The following WDR27 variants were observed in gnomAD, a reference collection of about 807,000 sequenced individuals.
WDR27 encodes the protein WD repeat domain 27.
Under a neutral mutation model 114.4 loss-of-function variants are expected in WDR27, and 100 were observed. That is an observed-to-expected ratio of 0.87 (90% confidence interval 0.74 to 1.03). The LOEUF (loss-of-function observed/expected upper bound fraction) is 1.03. Among genes scored for constraint, WDR27 ranks in the 50% least tolerant of loss-of-function variants. WDR27 has a pLI of 0.00. For missense variants in WDR27, 1,129 were observed against 1,092.9 expected (o/e 1.03, Z -0.47); for synonymous variants, 449 against 423.1 (o/e 1.06, Z -0.75).
chr6:169,503,044 C>T (rs189543708), intron 25 of WDR27, among the ~76,000 whole-genome samples: 6 of 152,142 alleles, frequency 3.9e-5, no homozygotes, highest in African/African-American at 1.2e-4. Context: ...TGAGACTCTG[C>T]GGAGTACATG....
At position 169,670,703 on chromosome 6, in the gene WDR27, G is replaced by A. The variant is rs1778494221; in HGVS notation, c.332-10C>T. The A allele has an allele frequency of 6.2e-7, 1 of 1,613,144 alleles. No homozygotes were observed. Among genetic ancestry groups the A allele is most frequent in the African/African-American group, 1.3e-5 (1 of 74,876 alleles). On this transcript the variant is annotated splice_polypyrimidine_tract_variant and intron_variant, in intron 3 of 25. Transcript: ENST00000448612. ...CCTCGAGGGACCAGCCCTAGAGTGA[G>A]TTTCACCATTAGTGCCAGTTTACCA...
At chr6:169,686,673 T>C (rs1783040233) in intron 2 of WDR27, among the ~76,000 whole-genome samples, 1 of 152,050 alleles carries the variant, frequency 6.6e-6, no homozygotes, top group Non-Finnish European at 1.5e-5. Context: ...AAGCAATACA[T>C]TATATAATAA....
the WDR27 span, among the ~76,000 whole-genome samples, chr6:169,447,786 G>A: frequency 3.0e-4 from 45 of 152,284 alleles, no homozygotes; most frequent in African/African-American, 8.4e-4. Context: ...TTCCAAGAAT[G>A]TCTCTTCAGG....
chr6:169,613,937 T>C lies in WDR27; in HGVS notation c.2224-281A>G, dbSNP rs374937784. On this transcript the variant is annotated intron_variant, in intron 21 of 25. Transcript: ENST00000448612. The stretch of plus-strand genomic sequence containing the variant: ...TGGTCAAAAAAGACCAAGATAGTAA[T>C]ACACCAAAATTCATGTTTACAGTAT... Among the ~76,000 whole-genome samples, 16 of 152,124 alleles carry C rather than the reference T, an allele frequency of 1.1e-4. No homozygotes were observed. The East Asian group carries it at 1.3e-3, about 13-fold the overall frequency.
intron 23 of WDR27, among the ~76,000 whole-genome samples, chr6:169,601,585 C>T (rs6935369): frequency 0.31 from 46,627 of 152,170 alleles, 8,175 homozygotes; most frequent in African/African-American, 0.47. Flanking sequence ...GCAGGATATT[C>T]TGAGGCAACA....
intron 25 of WDR27, among the ~76,000 whole-genome samples, chr6:169,498,757 A>T (rs1413488602): frequency 6.6e-6 from 1 of 152,238 alleles, no homozygotes. Flanking sequence ...GATTCCATTT[A>T]CATGACATTC....
chr6:169,515,602 A>G (rs1450684093), intron 25 of WDR27, among the ~76,000 whole-genome samples: 1 of 152,136 alleles, frequency 6.6e-6, no homozygotes. Context: ...AGTGTTCAGT[A>G]AAATCATAAT....
chr6:169,696,049 G>C (rs1285934493), intron 1 of WDR27, among the ~76,000 whole-genome samples: 1 of 152,170 alleles, frequency 6.6e-6, no homozygotes, highest in Non-Finnish European at 1.5e-5. Flanking sequence ...TTGGATTTGT[G>C]ACCTCCAGAA....
At chr6:169,454,295 G>A (rs1405833897), downstream of WDR27, among the ~76,000 whole-genome samples, 1 of 152,114 alleles carries the variant, frequency 6.6e-6, no homozygotes, top group Non-Finnish European at 1.5e-5. Flanking sequence ...TCACCACGGA[G>A]ATATCTGCTA....
At chr6:169,696,971 A>C (rs1258972127) in intron 1 of WDR27, among the ~76,000 whole-genome samples, 1 of 152,152 alleles carries the variant, frequency 6.6e-6, no homozygotes, top group African/African-American at 2.4e-5. Context: ...AACGTCTGAT[A>C]TCACTGGAAT....
At chr6:169,612,553 G>A (rs1314426861) in intron 22 of WDR27, among the ~76,000 whole-genome samples, 2 of 150,542 alleles carry the variant, frequency 1.3e-5, no homozygotes, top group African/African-American at 2.5e-5. Flanking sequence ...GGGGTGGTGG[G>A]GCAGGGAGGT....
intron 23 of WDR27, among the ~76,000 whole-genome samples, chr6:169,594,425 C>T (rs537929847): frequency 1.3e-5 from 2 of 152,288 alleles, no homozygotes; most frequent in East Asian, 3.9e-4. Context: ...TGAATATCTA[C>T]AAGATAATGC....
At chr6:169,568,849 G>A (rs1800906755) in intron 25 of WDR27, among the ~76,000 whole-genome samples, 1 of 152,096 alleles carries the variant, frequency 6.6e-6, no homozygotes, top group Non-Finnish European at 1.5e-5. Flanking sequence ...GAGGAAATGG[G>A]TTGTTCTTTC....
At chr6:169,478,691 C>G (rs1441453727) in intron 25 of WDR27, among the ~76,000 whole-genome samples, 1 of 151,904 alleles carries the variant, frequency 6.6e-6, no homozygotes, top group Non-Finnish European at 1.5e-5. Context: ...CTGGTAAAAT[C>G]AACAACAACA....
chr6:169,698,482 A>G (rs1039800916), intron 1 of WDR27, among the ~76,000 whole-genome samples: 1 of 152,212 alleles, frequency 6.6e-6, no homozygotes, highest in Non-Finnish European at 1.5e-5. Context: ...AGTGCAACCT[A>G]TCCTCCCATT....
At chr6:169,590,277 T>G (rs1805485784) in intron 23 of WDR27, among the ~76,000 whole-genome samples, 1 of 152,118 alleles carries the variant, frequency 6.6e-6, no homozygotes, top group African/African-American at 2.4e-5. Flanking sequence ...CAGAAGTGAG[T>G]GTTGCACTCC....
chr6:169,443,095 G>T, the WDR27 span, among the ~76,000 whole-genome samples: 1 of 152,194 alleles, frequency 6.6e-6, no homozygotes, highest in Non-Finnish European at 1.5e-5. Context: ...CAAGGAAAGT[G>T]GGCTGAGGTT....
intron 4 of WDR27, chr6:169,669,964 A>T (rs1465892828): frequency 6.6e-6 from 1 of 151,802 alleles, no homozygotes; most frequent in Non-Finnish European, 1.5e-5. Flanking sequence ...TTTGTGAGCC[A>T]TGTTGACAAA....
At chr6:169,614,635 C>T (rs944186087) in intron 21 of WDR27, among the ~76,000 whole-genome samples, 11 of 151,400 alleles carry the variant, frequency 7.3e-5, no homozygotes, top group Non-Finnish European at 1.3e-4. Context: ...TTGCAGTGAG[C>T]CAAGATCACA....
Sources: gnomAD v4.1 joint callset for allele counts (sites outside exome capture counted in the v4.1 genomes callset) on GRCh38, gnomAD v4.1.1 for gene constraint, MANE v1.5 for transcripts, NCBI Gene and HGNC (gene_info 2026-07-23, HGNC 2026-07-21) for gene names.